ZNF827: variants seen among roughly 807,000 people sequenced by gnomAD.
ZNF827 encodes the protein zinc finger protein 827.
In ZNF827, 13 loss-of-function variants were observed where a neutral mutation model predicts 102.4. The observed-to-expected ratio is 0.13, with a 90% CI of 0.08 to 0.20. ZNF827 has a LOEUF of 0.20. Among genes scored for constraint, ZNF827 ranks in the 10% least tolerant of loss-of-function variants. The probability of loss-of-function intolerance (pLI) is 1.00; values close to 1 mark genes in which losing one functional copy is unlikely to be tolerated. For synonymous variants in ZNF827, 523 were observed against 536.2 expected (o/e 0.98, Z 0.34); for missense variants, 1,103 against 1,344.4 (o/e 0.82, Z 2.81).
chr4:145,938,401 T>G lies in ZNF827; in HGVS notation c.7A>C (p.Arg3=), dbSNP rs1007545722. Residue 3 remains arginine, a synonymous_variant, in exon 1 of 15, where the codon AGG becomes CGG. Coordinates refer to ENST00000508784, the MANE Select transcript of ZNF827 (RefSeq NM_001306215.2). MP[R]RKQEQPKRLP... is the part of the protein sequence containing the mutation. The stretch of plus-strand genomic sequence containing the variant: ...CGCTTGGGCTGCTCCTGCTTCCTCC[T>G]GGGCATTTTCCCCCTTTTCTCACAT... 5.6e-6 allele frequency: 9 copies of G among 1,612,820 alleles called. No homozygotes were observed. Among genetic ancestry groups the G allele is most frequent in the Non-Finnish European group, 7.6e-6 (9 of 1,179,918 alleles).
Position 145,758,354 on chromosome 4 carries a change from A to T in ZNF827, c.*3262T>A, listed in dbSNP as rs1734115530. The T allele has an allele frequency of 6.6e-6, 1 of 151,916 alleles. No individual in the cohort carries two copies. The highest frequency in any genetic ancestry group is 2.1e-4 in the South Asian group (1 of 4,798). 9.4% of individuals were successfully genotyped at this position (151,916 alleles called of 1,614,324 possible). A position where few individuals can be genotyped will look rare whatever the true frequency, so the allele number is the denominator to read the frequency against. ...TCGTTCTTGAAAGTTTCAACCCTAG[A>T]CCTCCTATTGCACAAGTGGCATGCT... On this transcript the variant is annotated 3_prime_UTR_variant, in exon 15 of 15. Transcript: ENST00000508784.
intron 13 of ZNF827, 40 bp downstream of exon 13, chr4:145,764,948 A>G: frequency 6.2e-7 from 1 of 1,608,472 alleles, no homozygotes; most frequent in Non-Finnish European, 8.5e-7. Flanking sequence ...AGGGTATTTA[A>G]TAACAACGCA....
intron 2 of ZNF827, among the ~76,000 whole-genome samples, chr4:145,899,754 T>C (rs1280083938): frequency 6.6e-6 from 1 of 152,166 alleles, no homozygotes; most frequent in African/African-American, 2.4e-5. Flanking sequence ...CTTCAAGTCT[T>C]AGACTGAACA....
rs1162178089 is a variant in ZNF827 at position 145,760,906 on chromosome 4, T to C, written c.*710A>G. The C allele has an allele frequency of 8.1e-7, 1 of 1,232,046 alleles. No homozygotes were observed. The highest frequency in any genetic ancestry group is 1.0e-6 in the Non-Finnish European group (1 of 962,446). The allele number at this position is 1,232,046 out of a possible 1,614,324, so 76.3% of individuals were successfully genotyped here. ...TGTGAGATCCAAGTGGTTCTTGGGG[T>C]ATAACATTGTCAAGGGAATGAGATG... On this transcript the variant is annotated 3_prime_UTR_variant, in exon 15 of 15. Transcript: ENST00000508784.
chr4:145,781,228 G>GAAAAA (rs60872964), intron 8 of ZNF827, among the ~76,000 whole-genome samples: 4 of 99,660 alleles, frequency 4.0e-5, no homozygotes, highest in Non-Finnish European at 8.0e-5. Context: ...GAAAAAAAAA[G>GAAAAA]AAAAAAAAAA....
At chr4:145,901,415 T>C (rs991744467) in intron 2 of ZNF827, among the ~76,000 whole-genome samples, 1 of 152,252 alleles carries the variant, frequency 6.6e-6, no homozygotes, top group Admixed American at 6.5e-5. Flanking sequence ...TAATTGTGAA[T>C]GCTAAGGTCC....
intron 5 of ZNF827, among the ~76,000 whole-genome samples, chr4:145,864,464 C>G (rs1748004549): frequency 6.7e-6 from 1 of 148,326 alleles, no homozygotes; most frequent in East Asian, 2.0e-4. Flanking sequence ...TGTGATGATG[C>G]ACATCTGTAG....
chr4:145,923,005 C>A (rs1001738727), intron 1 of ZNF827, among the ~76,000 whole-genome samples: 1 of 151,966 alleles, frequency 6.6e-6, no homozygotes, highest in Non-Finnish European at 1.5e-5. Flanking sequence ...TATTTTATAA[C>A]AAAATGTGTC....
chr4:145,874,541 T>C (rs1246995298), intron 4 of ZNF827, among the ~76,000 whole-genome samples: 1 of 152,248 alleles, frequency 6.6e-6, no homozygotes, highest in African/African-American at 2.4e-5. Flanking sequence ...TAATAATTAC[T>C]ATCTTTTAAA....
chr4:145,884,887 C>T (rs1749977204), intron 4 of ZNF827, among the ~76,000 whole-genome samples: 1 of 151,330 alleles, frequency 6.6e-6, no homozygotes, highest in Admixed American at 6.6e-5. Flanking sequence ...TTTTAAATTC[C>T]ACTTTATATG....
chr4:145,900,616 G>A (rs1446959159), intron 2 of ZNF827, among the ~76,000 whole-genome samples: 1 of 151,886 alleles, frequency 6.6e-6, no homozygotes, highest in Non-Finnish European at 1.5e-5. Context: ...CACCATATTG[G>A]TCAGGATGGT....
chr4:145,912,023 C>A (rs1752333151), intron 1 of ZNF827, among the ~76,000 whole-genome samples: 1 of 152,222 alleles, frequency 6.6e-6, no homozygotes, highest in South Asian at 2.1e-4. Context: ...ACACAACATG[C>A]ATGCTTACTG....
At chr4:145,793,290 T>TTA (rs1739975352) in intron 8 of ZNF827, among the ~76,000 whole-genome samples, 1 of 2,482 alleles carries the variant, frequency 4.0e-4, no homozygotes, top group Non-Finnish European at 9.7e-4. Flanking sequence ...AATATATATA[T>TTA]GATATATATC....
intron 1 of ZNF827, among the ~76,000 whole-genome samples, chr4:145,924,550 C>G (rs779305530): frequency 1.3e-5 from 2 of 152,206 alleles, no homozygotes; most frequent in Admixed American, 1.3e-4. Flanking sequence ...CCCTGAGAAG[C>G]TGGTTTGAGG....
intron 7 of ZNF827, among the ~76,000 whole-genome samples, chr4:145,827,588 G>A (rs560779593): frequency 1.4e-4 from 22 of 152,296 alleles, no homozygotes; most frequent in Non-Finnish European, 2.2e-4. Context: ...TAAAGAGGTC[G>A]TTAGCTGTTT....
At chr4:145,768,662 A>G (rs544065839) in intron 11 of ZNF827, among the ~76,000 whole-genome samples, 1 of 151,002 alleles carries the variant, frequency 6.6e-6, no homozygotes, top group South Asian at 2.1e-4. Context: ...TAAGCAATCT[A>G]GTGACTGTAA....
At chr4:145,801,910 A>C (rs1354192437) in intron 8 of ZNF827, among the ~76,000 whole-genome samples, 2 of 148,358 alleles carry the variant, frequency 1.3e-5, no homozygotes, top group Non-Finnish European at 3.0e-5. Flanking sequence ...GCATTCTACC[A>C]CTCATGGCAG....
chr4:145,770,222 T>G (rs1022846369), intron 11 of ZNF827, among the ~76,000 whole-genome samples: 2 of 151,944 alleles, frequency 1.3e-5, no homozygotes, highest in African/African-American at 2.4e-5. Context: ...TTGCTTGAAC[T>G]TGAGAGGTGG....
intron 7 of ZNF827, among the ~76,000 whole-genome samples, chr4:145,825,078 C>T (rs1743537503): frequency 6.6e-6 from 1 of 152,196 alleles, no homozygotes; most frequent in African/African-American, 2.4e-5. Flanking sequence ...GCAGATATGT[C>T]GCTTTCTACC....
Sources: allele counts gnomAD v4.1 joint callset (sites outside exome capture counted in the v4.1 genomes callset), GRCh38; gene constraint gnomAD v4.1.1; transcripts MANE v1.5; gene names NCBI Gene and HGNC (gene_info 2026-07-23, HGNC 2026-07-21).